The following CRACR2A variants were observed in gnomAD, a reference collection of about 807,000 sequenced individuals.
The protein encoded by CRACR2A is EF-hand calcium-binding domain-containing protein 4B.
Under a neutral mutation model 90.5 loss-of-function variants are expected in CRACR2A, and 79 were observed. The observed-to-expected ratio is 0.87, with a 90% CI of 0.73 to 1.05. The LOEUF (loss-of-function observed/expected upper bound fraction) is 1.05, where lower values mean the gene tolerates loss of function less well. Ranked by LOEUF, CRACR2A falls within the 50% of genes least tolerant of loss-of-function variation. CRACR2A has a pLI of 0.00. For synonymous variants in CRACR2A, 338 were observed against 356.7 expected (o/e 0.95, Z 0.59); for missense variants, 823 against 897.2 (o/e 0.92, Z 1.06).
intron 3 of CRACR2A, among the ~76,000 whole-genome samples, chr12:3,706,744 G>A (rs995362831): frequency 2.6e-5 from 4 of 152,162 alleles, no homozygotes; most frequent in Non-Finnish European, 4.4e-5. Context: ...GTGATTACAG[G>A]TGTGTGCCAC....
intron 1 of CRACR2A, among the ~76,000 whole-genome samples, chr12:3,744,592 T>C (rs1371351820): frequency 6.6e-6 from 1 of 152,214 alleles, no homozygotes; most frequent in Non-Finnish European, 1.5e-5. Context: ...TACAGGACCC[T>C]GGGGAGAAAT....
At chr12:3,673,718 G>T in intron 6 of CRACR2A, 126 bp from the exon 7 acceptor site, 1 of 1,231,716 alleles carries the variant, frequency 8.1e-7, no homozygotes, top group Admixed American at 2.6e-5. Context: ...GATGACAGTA[G>T]CTAACGTGGA....
At chr12:3,639,524 G>T (rs111375647) in intron 13 of CRACR2A, among the ~76,000 whole-genome samples, 33 of 130,504 alleles carry the variant, frequency 2.5e-4, no homozygotes, top group African/African-American at 9.0e-4. Context: ...GAATGGGGAT[G>T]AAGCAGTGGG....
intron 9 of CRACR2A, 72 bp downstream of exon 9, chr12:3,656,239 A>C (rs1677804183): frequency 1.4e-6 from 2 of 1,453,536 alleles, no homozygotes; most frequent in East Asian, 4.5e-5. Flanking sequence ...AATGGCAGGG[A>C]AAGTGGGCAA....
chr12:3,747,800 T>A (rs574611068), intron 1 of CRACR2A, among the ~76,000 whole-genome samples: 2 of 152,334 alleles, frequency 1.3e-5, no homozygotes, highest in East Asian at 3.9e-4. Flanking sequence ...CTGGTGCACC[T>A]GTAGCACGTG....
chr12:3,646,135 G>A (rs1944681998), intron 11 of CRACR2A, among the ~76,000 whole-genome samples: 1 of 152,196 alleles, frequency 6.6e-6, no homozygotes, highest in South Asian at 2.1e-4. Context: ...AAAAGGAGGA[G>A]TCTTTTTTCC....
At chr12:3,685,647 A>T (rs1290224277) in intron 4 of CRACR2A, among the ~76,000 whole-genome samples, 2 of 152,256 alleles carry the variant, frequency 1.3e-5, no homozygotes, top group Non-Finnish European at 2.9e-5. Flanking sequence ...CAAATATTAT[A>T]TAAGTCCACC....
intron 1 of CRACR2A, among the ~76,000 whole-genome samples, chr12:3,733,973 A>ATTTTTTTTT (rs1166347439): frequency 0.17 from 16,941 of 99,520 alleles, 3,815 homozygotes; most frequent in Non-Finnish European, 0.22. Context: ...ATTTTGCCTT[A>ATTTTTTTTT]TTTTTTTTTT....
chr12:3,691,737 T>C (rs1042114817), intron 4 of CRACR2A, among the ~76,000 whole-genome samples: 3 of 152,384 alleles, frequency 2.0e-5, no homozygotes, highest in East Asian at 1.9e-4. Flanking sequence ...TCCTGAAATA[T>C]GTTTCCAAAG....
At chr12:3,624,516 C>T (rs1003880349) in intron 17 of CRACR2A, among the ~76,000 whole-genome samples, 12 of 152,140 alleles carry the variant, frequency 7.9e-5, no homozygotes, top group Admixed American at 3.3e-4. Context: ...ATGATGCCAC[C>T]GTTCCACACC....
rs1369401208 is a variant in CRACR2A, at chr12:3,638,105, A to G, written c.1602+19T>C. 7.2e-6 allele frequency: 11 copies of G among 1,526,492 alleles called. No homozygotes were observed. The highest frequency in any genetic ancestry group is 9.7e-6 in the Non-Finnish European group (11 of 1,130,894). The allele number at this position is 1,526,492 out of a possible 1,614,324, so 94.6% of individuals were successfully genotyped here. The stretch of plus-strand genomic sequence containing the variant: ...TCATAGAAGTGATGTGCATGAACCA[A>G]GGTAGGCTGTGCCCTTACCTTACAC... On this transcript the variant is annotated intron_variant, in intron 14 of 19. Coordinates refer to ENST00000440314, the MANE Select transcript of CRACR2A (RefSeq NM_001144958.2).
At chr12:3,663,890 CAT>C (rs1945082374) in intron 7 of CRACR2A, among the ~76,000 whole-genome samples, 1 of 152,200 alleles carries the variant, frequency 6.6e-6, no homozygotes, top group Non-Finnish European at 1.5e-5. Flanking sequence ...ACTACTGAAT[CAT>C]ATCTCCTCCA....
At position 3,633,839 on chromosome 12, in the gene CRACR2A, G is replaced by A. The variant is rs766614926; in HGVS notation, c.1603-103C>T. On this transcript the variant is annotated intron_variant, in intron 14 of 19. Coordinates refer to ENST00000440314, the MANE Select transcript of CRACR2A (RefSeq NM_001144958.2). This position sits in a 1 kb window ranked among gnomAD's most constrained non-coding sequence, Gnocchi z 4.5. ...CCCATCCCTACAGTGGCCCTCAGGA[G>A]GTGCAGACCGGCCTCTAGACCTGCA... 6 of 1,471,016 alleles carry A rather than the reference G, an allele frequency of 4.1e-6. No individual in the cohort carries two copies. The highest frequency in any genetic ancestry group is 5.5e-6 in the Non-Finnish European group (6 of 1,093,458). 91.1% of individuals were successfully genotyped at this position (1,471,016 alleles called of 1,614,324 possible). A position where few individuals can be genotyped will look rare whatever the true frequency, so the allele number is the denominator to read the frequency against.
At chr12:3,671,393 CA>C (rs1487803355) in intron 7 of CRACR2A, among the ~76,000 whole-genome samples, 1 of 152,010 alleles carries the variant, frequency 6.6e-6, no homozygotes, top group African/African-American at 2.4e-5. Flanking sequence ...ATAGGAAAAC[CA>C]AGGCTCAAGA....
In CRACR2A at chr12:3,633,108, GA is replaced by G. The variant is rs1465660569; in HGVS notation, c.1735+495del. 6.6e-6 allele frequency among the ~76,000 whole-genome samples: 1 copy of G among 152,178 alleles called. No homozygotes were observed. Among genetic ancestry groups the G allele is most frequent in the African/African-American group, 2.4e-5 (1 of 41,440 alleles). ...CCCAGCAGGCTGGGGACTTAGGACA[GA>G]TACAATGCGATGGGTAAAAGAAGCC... On this transcript the variant is annotated intron_variant, in intron 15 of 19. Transcript: ENST00000440314. This position sits in a 1 kb window ranked among gnomAD's most constrained non-coding sequence, Gnocchi z 4.5.
In CRACR2A at chr12:3,645,206, G is replaced by A. The variant is rs1157332862; in HGVS notation, c.1119-566C>T. Among the ~76,000 whole-genome samples, 3 of 152,188 alleles carry A rather than the reference G, an allele frequency of 2.0e-5. No individual in the cohort carries two copies. In the East Asian group the frequency reaches 5.8e-4, roughly 29 times the overall value. On this transcript the variant is annotated intron_variant, in intron 11 of 19. Coordinates refer to ENST00000440314, the MANE Select transcript of CRACR2A (RefSeq NM_001144958.2). ...AGTGGAGTAAAAGAAGCCAGAGTGT[G>A]GAGTAGTATTTCAACTACAGTGGTC...
chr12:3,752,493 TC>T (rs1200811631), intron 1 of CRACR2A: 1 of 152,698 alleles, frequency 6.5e-6, no homozygotes, highest in African/African-American at 2.4e-5. Flanking sequence ...GCCGCCCACT[TC>T]CTGACCTCCT....
chr12:3,650,131 A>T (rs1165705442), intron 10 of CRACR2A, among the ~76,000 whole-genome samples: 1 of 152,130 alleles, frequency 6.6e-6, no homozygotes, highest in African/African-American at 2.4e-5. Flanking sequence ...AAGTTGATAC[A>T]GGCGTCACTT....
chr12:3,707,346 A>G (rs1174405807), intron 3 of CRACR2A, among the ~76,000 whole-genome samples: 1 of 152,230 alleles, frequency 6.6e-6, no homozygotes, highest in Admixed American at 6.5e-5. Flanking sequence ...AACTATCATT[A>G]AACAGCCCCC....
Sources: allele counts gnomAD v4.1 joint callset (sites outside exome capture counted in the v4.1 genomes callset), GRCh38; gene constraint gnomAD v4.1.1; non-coding constraint Gnocchi (gnomAD v3.1); transcripts MANE v1.5; gene names NCBI Gene and HGNC (gene_info 2026-07-23, HGNC 2026-07-21).